CASP6: variants seen among roughly 807,000 people sequenced by gnomAD.
CASP6 encodes the protein caspase-6.
In CASP6, 20 loss-of-function variants were observed where a neutral mutation model predicts 31.8. That is an observed-to-expected ratio of 0.63 (90% CI 0.44 to 0.91). CASP6 has a LOEUF of 0.91. Ranked by LOEUF, CASP6 falls within the 40% of genes least tolerant of loss-of-function variation. The pLI is 0.00. For missense variants in CASP6, 328 were observed against 361.1 expected, an observed-to-expected ratio of 0.91 and a Z score of 0.74; for synonymous variants, 130 against 127.8, an observed-to-expected ratio of 1.02 and a Z score of -0.12.
chr4:109,681,206 T>C, the CASP6 span, among the ~76,000 whole-genome samples: 1 of 152,166 alleles, frequency 6.6e-6, no homozygotes, highest in African/African-American at 2.4e-5. Flanking sequence ...GCTCTGAACC[T>C]CAGCTGATAG....
At chr4:109,706,969 C>G (rs1256760911), upstream of CASP6, among the ~76,000 whole-genome samples, 1 of 152,146 alleles carries the variant, frequency 6.6e-6, no homozygotes. Context: ...TGCCAGTCAT[C>G]CCAGCCTTCA....
Position 109,693,580 on chromosome 4 carries a change from G to A in CASP6, c.483+945C>T, listed in dbSNP as rs970974785. Among the ~76,000 whole-genome samples the A allele has an allele frequency of 1.3e-4, 19 of 151,622 alleles. 1 individual carries two copies. The highest frequency in any genetic ancestry group is 4.4e-4 in the African/African-American group (18 of 41,312). On this transcript the variant is annotated intron_variant, in intron 5 of 6. Transcript: ENST00000265164. ...CAGGTGCCTGTAATCCCAGCTACTC[G>A]GGAGGCTGAAGTGGGAGAATAATTG... is the stretch of plus-strand genomic sequence containing the variant.
intron 5 of CASP6, among the ~76,000 whole-genome samples, chr4:109,694,210 G>A (rs953198069): frequency 1.4e-4 from 21 of 152,160 alleles, no homozygotes; most frequent in African/African-American, 4.8e-4. Context: ...AGGTTGCCTT[G>A]TGCGGCACTC....
At position 109,694,683 on chromosome 4, in the gene CASP6, C is replaced by T. The variant is rs5030674; in HGVS notation, c.325G>A (p.Ala109Thr). ...ACACACACAAAGCAATCGGCATCTG[C>T]GTGGCTAACAGTTGACACTATAAAG... ...KIHEVSTVSH[A>T]DADCFVCVFL... The change falls in exon 5 of 7, where the codon GCA (alanine) becomes ACA (threonine). Residue 109 changes from alanine to threonine, a missense_variant. Physicochemically the swap from Ala to Thr is moderately conservative, Grantham distance 58 (BLOSUM62 0). Transcript: ENST00000265164. 2,017 of 1,594,448 alleles carry T rather than the reference C, an allele frequency of 1.3e-3. 21 individuals are homozygous for T. The African/African-American group carries it at 0.025, about 19-fold the overall frequency.
chr4:109,703,526 T>C (rs1337517404), upstream of CASP6: 3 of 1,192,770 alleles, frequency 2.5e-6, no homozygotes, highest in Non-Finnish European at 3.5e-6. Flanking sequence ...CAGTTGGTTC[T>C]GATTGCGCGC....
In CASP6 at chr4:109,696,419, T is replaced by G; in HGVS notation, c.298A>C (p.Ile100Leu). The G allele has an allele frequency of 6.2e-7, 1 of 1,611,720 alleles. No individual in the cohort carries two copies. Among genetic ancestry groups the G allele is most frequent in the Non-Finnish European group, 8.5e-7 (1 of 1,178,644 alleles). ...DLKAEELLLKIHEVSTVSHAD... is the reference protein window; with the variant it reads ...DLKAEELLLKLHEVSTVSHAD... ...TAGCAAAACTACCTACCCTCATGAA[T>G]TTTGAGCAGTAGTTCTTCTGCTTTA... The change falls in exon 4 of 7, where the codon ATT becomes CTT. Residue 100 changes from isoleucine (I) to leucine (L), a missense_variant. Ile to Leu is a conservative substitution (Grantham distance 5). Transcript: ENST00000265164.
intron 5 of CASP6, chr4:109,692,097 A>T (rs1474630732): frequency 6.6e-6 from 1 of 152,236 alleles, no homozygotes; most frequent in Non-Finnish European, 1.5e-5. Flanking sequence ...AATTATGAGC[A>T]TCAAAAGAAA....
chr4:109,703,405 A>C lies in CASP6; in HGVS notation c.-10T>G. 6.2e-7 allele frequency: 1 copy of C among 1,611,368 alleles called. No individual in the cohort carries two copies. The highest frequency in any genetic ancestry group is 8.5e-7 in the Non-Finnish European group (1 of 1,179,088). ...CCGAGGCCGAGCTCATTGCAGCCAA[A>C]CGCGCAGCCAGACACCTTGCCCTCC... On this transcript the variant is annotated 5_prime_UTR_variant, in exon 1 of 7. Coordinates refer to ENST00000265164, the MANE Select transcript of CASP6 (RefSeq NM_001226.4).
At chr4:109,684,641 C>A (rs777235046), downstream of CASP6, 1 of 1,417,922 alleles carries the variant, frequency 7.1e-7, no homozygotes, top group East Asian at 2.3e-5. Context: ...TATAGTCACT[C>A]GACAGGTGAG....
At chr4:109,678,484 G>C in the CASP6 span, among the ~76,000 whole-genome samples, 20 of 147,052 alleles carry the variant, frequency 1.4e-4, no homozygotes, top group South Asian at 4.4e-3. Flanking sequence ...GGGGCGGCCG[G>C]GCAGAGGCGC....
the CASP6 span, among the ~76,000 whole-genome samples, chr4:109,669,501 C>A: frequency 6.6e-6 from 1 of 151,648 alleles, no homozygotes; most frequent in Non-Finnish European, 1.5e-5. Flanking sequence ...GTGTAGTTTT[C>A]TCTTGGCATT....
the CASP6 span, among the ~76,000 whole-genome samples, chr4:109,677,327 T>A: frequency 6.6e-6 from 1 of 152,200 alleles, no homozygotes; most frequent in African/African-American, 2.4e-5. Flanking sequence ...GATAATTTGC[T>A]TCAGGATGAA....
chr4:109,675,405 C>T, the CASP6 span, among the ~76,000 whole-genome samples: 2 of 152,220 alleles, frequency 1.3e-5, no homozygotes, highest in Admixed American at 1.3e-4. Flanking sequence ...ACACTGCCCC[C>T]CTCACACCAC....
chr4:109,677,802 A>ATTTTTTTTTTTT, the CASP6 span, among the ~76,000 whole-genome samples: 1 of 86,606 alleles, frequency 1.2e-5, no homozygotes, highest in Non-Finnish European at 2.1e-5. Flanking sequence ...AAGGAAACAA[A>ATTTTTTTTTTTT]TTTTTTTTTT....
the CASP6 span, chr4:109,664,420 T>TA: frequency 1.2e-5 from 10 of 832,212 alleles, no homozygotes; most frequent in South Asian, 1.7e-5. Flanking sequence ...ATCCAACTAT[T>TA]ACTTTTTTTT....
chr4:109,708,773 C>CT, the CASP6 span, among the ~76,000 whole-genome samples: 551 of 152,266 alleles, frequency 3.6e-3, 6 homozygotes, highest in East Asian at 0.013. Flanking sequence ...TTTTGTCTAC[C>CT]TTTTTTTCCC....
the CASP6 span, among the ~76,000 whole-genome samples, chr4:109,665,306 T>C: frequency 2.0e-5 from 3 of 152,188 alleles, no homozygotes; most frequent in Admixed American, 6.5e-5. Context: ...GTGTCTTGGG[T>C]CTTTATTTAG....
chr4:109,679,922 C>T, the CASP6 span, among the ~76,000 whole-genome samples: 1 of 152,130 alleles, frequency 6.6e-6, no homozygotes, highest in Non-Finnish European at 1.5e-5. Context: ...CTGCCTCAGC[C>T]TCCTGAGTAG....
downstream of CASP6, chr4:109,684,361 A>C: frequency 8.4e-7 from 1 of 1,185,874 alleles, no homozygotes; most frequent in East Asian, 2.5e-5. Flanking sequence ...CGCGCCCGGC[A>C]AGAGTTCCTT....
Sources: gnomAD v4.1 joint callset for allele counts (sites outside exome capture counted in the v4.1 genomes callset) on GRCh38, gnomAD v4.1.1 for gene constraint, MANE v1.5 for transcripts, NCBI Gene and HGNC (gene_info 2026-07-23, HGNC 2026-07-21) for gene names.